Variants in CATSPERE observed in about 807,000 individuals in gnomAD.
The protein encoded by CATSPERE is cation channel sperm-associated auxiliary subunit epsilon.
A neutral mutation model predicts 114.1 loss-of-function variants in CATSPERE; 93 were observed. The ratio of observed to expected loss-of-function variants is 0.81; its 90% CI spans 0.69 to 0.97. The LOEUF is 0.97. Ranked by LOEUF, CATSPERE falls within the 50% of genes least tolerant of loss-of-function variation. The pLI, the probability that CATSPERE is intolerant of heterozygous loss-of-function variation, is 0.00. For missense variants in CATSPERE, 1,058 were observed against 1,131.6 expected, an observed-to-expected ratio of 0.93 and a Z score of 0.93; for synonymous variants, 341 against 384.1, an observed-to-expected ratio of 0.89 and a Z score of 1.31.
rs1427704796 is a variant in CATSPERE, at chr1:244,615,965, A to T, written c.2491-1564A>T. Among the ~76,000 whole-genome samples, 13 of 151,212 alleles carry T rather than the reference A, an allele frequency of 8.6e-5. No individual in the cohort carries two copies. The East Asian group carries it at 2.3e-3, about 27-fold the overall frequency. Reference sequence around the variant, plus strand: ...CCCCATCTCCTAAAAAAAAAAAAAAAAAAAAAGTAAAAAATTAGCCAGGCA... The same window carrying T: ...CCCCATCTCCTAAAAAAAAAAAAAATAAAAAAGTAAAAAATTAGCCAGGCA... On this transcript the variant is annotated intron_variant, in intron 19 of 21. Coordinates refer to ENST00000366534, the MANE Select transcript of CATSPERE (RefSeq NM_001130957.2).
chr1:244,496,073 T>G (rs1034657245), intron 6 of CATSPERE, among the ~76,000 whole-genome samples: 1 of 152,082 alleles, frequency 6.6e-6, no homozygotes, highest in Non-Finnish European at 1.5e-5. Context: ...CAAAAAAGGA[T>G]CAGTAACAAA....
At chr1:244,524,137 G>C (rs1464755462) in intron 8 of CATSPERE, among the ~76,000 whole-genome samples, 3 of 149,590 alleles carry the variant, frequency 2.0e-5, no homozygotes, top group African/African-American at 7.6e-5. Context: ...TACCAAAACA[G>C]AGATATAGAT....
chr1:244,561,224 A>G, intron 10 of CATSPERE, 79 bp downstream of exon 10: 3 of 1,064,822 alleles, frequency 2.8e-6, no homozygotes, highest in Non-Finnish European at 4.1e-6. Context: ...ACACTTTTTA[A>G]TGTACCAATG....
intron 9 of CATSPERE, among the ~76,000 whole-genome samples, chr1:244,555,975 A>T (rs527799281): frequency 6.6e-6 from 1 of 152,240 alleles, no homozygotes; most frequent in African/African-American, 2.4e-5. Flanking sequence ...GAGGATTGCT[A>T]AAAGCCAGGA....
chr1:244,597,414 T>G (rs1211795437), intron 17 of CATSPERE, among the ~76,000 whole-genome samples: 2 of 152,194 alleles, frequency 1.3e-5, no homozygotes, highest in Non-Finnish European at 2.9e-5. Context: ...TTGACACGGT[T>G]AATCATTTAC....
chr1:244,560,577 A>T (rs1662406787), intron 9 of CATSPERE, 91 bp from the exon 10 acceptor site: 1 of 738,446 alleles, frequency 1.4e-6, no homozygotes, highest in South Asian at 4.2e-5. Context: ...TTAAAAAAAT[A>T]AAAAATAAAA....
Position 244,552,554 on chromosome 1 carries a change from A to T in CATSPERE, c.769A>T (p.Met257Leu). 6.2e-7 allele frequency: 1 copy of T among 1,614,216 alleles called. No homozygotes were observed. The highest frequency in any genetic ancestry group is 8.5e-7 in the Non-Finnish European group (1 of 1,180,034). ...VVASAVLVTD[M>L]ETFHTTDSFK... ...TGCATCTGCTGTTTTGGTGACAGAT[A>T]TGGAGACCTTTCACACAACTGATTC... is the stretch of plus-strand genomic sequence containing the variant. Residue 257 changes from methionine (M) to leucine (L), a missense_variant, in exon 9 of 22, where the codon ATG (methionine) becomes TTG (leucine). By Grantham distance (15) the Met-to-Leu change is conservative (BLOSUM62 2). Transcript: ENST00000366534.
chr1:244,544,679 G>A (rs536402709), intron 8 of CATSPERE, among the ~76,000 whole-genome samples: 55 of 152,288 alleles, frequency 3.6e-4, no homozygotes, highest in African/African-American at 1.3e-3. Context: ...GAAGATGCAG[G>A]GATGGTATGA....
At chr1:244,610,739 TC>T (rs56222848) in intron 19 of CATSPERE, among the ~76,000 whole-genome samples, 43,684 of 149,224 alleles carry the variant, frequency 0.29, 6,576 homozygotes, top group East Asian at 0.41. Flanking sequence ...CGCATATTTC[TC>T]CCTATTTTCT....
At chr1:244,505,963 GC>G (rs1674757084) in intron 7 of CATSPERE, among the ~76,000 whole-genome samples, 2 of 152,058 alleles carry the variant, frequency 1.3e-5, no homozygotes, top group South Asian at 4.2e-4. Context: ...CCGAGATCAC[GC>G]CGCTGCACTC....
At chr1:244,453,122 C>T (rs1055558805), upstream of CATSPERE, among the ~76,000 whole-genome samples, 1 of 152,174 alleles carries the variant, frequency 6.6e-6, no homozygotes, top group Non-Finnish European at 1.5e-5. Flanking sequence ...AATAAAGATA[C>T]AATTCAGCCC....
intron 11 of CATSPERE, among the ~76,000 whole-genome samples, chr1:244,581,327 A>G (rs1666144630): frequency 6.6e-6 from 1 of 152,202 alleles, no homozygotes. Context: ...CTGTTGATGA[A>G]CATTGGTCTG....
At chr1:244,529,833 T>A (rs1217374227) in intron 8 of CATSPERE, among the ~76,000 whole-genome samples, 6 of 152,184 alleles carry the variant, frequency 3.9e-5, no homozygotes, top group Non-Finnish European at 7.4e-5. Flanking sequence ...TTTCTTTTAG[T>A]AGTTTTATAG....
upstream of CATSPERE, chr1:244,451,789 G>A: frequency 1.9e-6 from 3 of 1,596,620 alleles, no homozygotes; most frequent in Non-Finnish European, 2.6e-6. This position sits in a 1 kb window ranked among gnomAD's most constrained non-coding sequence, Gnocchi z 6.6. Context: ...CAGGGAGGAT[G>A]CCGCCGGGTA....
At chr1:244,467,845 C>G (rs1572230061) in intron 2 of CATSPERE, among the ~76,000 whole-genome samples, 1 of 152,114 alleles carries the variant, frequency 6.6e-6, no homozygotes. Flanking sequence ...GTGAAAGTAG[C>G]CATACAGAAA....
chr1:244,596,607 C>T (rs2148657128), intron 17 of CATSPERE, among the ~76,000 whole-genome samples: 1 of 151,718 alleles, frequency 6.6e-6, no homozygotes. Flanking sequence ...CGGGGCCTGT[C>T]TGGGGTGGGG....
At chr1:244,582,825 G>A (rs1666384174) in intron 12 of CATSPERE, among the ~76,000 whole-genome samples, 1 of 151,988 alleles carries the variant, frequency 6.6e-6, no homozygotes, top group East Asian at 1.9e-4. Context: ...CTAGTGTCAT[G>A]GAACCCATTC....
chr1:244,506,098 A>T (rs1305674112), intron 7 of CATSPERE, among the ~76,000 whole-genome samples: 1 of 152,242 alleles, frequency 6.6e-6, no homozygotes, highest in African/African-American at 2.4e-5. Context: ...TCAGGGTTTC[A>T]TACTGGCTTG....
At chr1:244,497,175 A>G (rs1172861340) in intron 6 of CATSPERE, among the ~76,000 whole-genome samples, 1 of 152,248 alleles carries the variant, frequency 6.6e-6, no homozygotes, top group Non-Finnish European at 1.5e-5. Context: ...GTAATTGGAG[A>G]CCTTTCTAAC....
Sources: gnomAD v4.1 joint callset for allele counts (sites outside exome capture counted in the v4.1 genomes callset) on GRCh38, gnomAD v4.1.1 for gene constraint, Gnocchi (gnomAD v3.1) non-coding constraint, MANE v1.5 for transcripts, NCBI Gene and HGNC (gene_info 2026-07-23, HGNC 2026-07-21) for gene names.